Variants in ADAMTS20 observed in about 807,000 individuals in gnomAD.
ADAMTS20 encodes the protein A disintegrin and metalloproteinase with thrombospondin motifs 20.
In ADAMTS20, 225 loss-of-function variants were observed where a neutral mutation model predicts 260.1. The observed-to-expected ratio is 0.87, with a 90% confidence interval of 0.78 to 0.97. The LOEUF (loss-of-function observed/expected upper bound fraction) is 0.97, where lower values mean the gene tolerates loss of function less well. Among genes scored for constraint, ADAMTS20 ranks in the 50% least tolerant of loss-of-function variants. ADAMTS20 has a pLI of 0.00. For synonymous variants in ADAMTS20, 802 were observed against 769.5 expected, an observed-to-expected ratio of 1.04 and a Z score of -0.70; for missense variants, 2,400 against 2,337.7, an observed-to-expected ratio of 1.03 and a Z score of -0.55.
intron 28 of ADAMTS20, among the ~76,000 whole-genome samples, chr12:43,420,640 C>G (rs1190204147): frequency 6.6e-6 from 1 of 151,892 alleles, no homozygotes; most frequent in South Asian, 2.1e-4. Context: ...GAGTGCATTT[C>G]TCTTAAATGG....
chr12:43,525,051 A>G (rs1943122975), intron 3 of ADAMTS20, among the ~76,000 whole-genome samples: 1 of 151,408 alleles, frequency 6.6e-6, no homozygotes, highest in East Asian at 1.9e-4. Flanking sequence ...ACTTATTGCA[A>G]AAAGGTCATC....
In ADAMTS20 at chr12:43,440,036, T is replaced by C; in HGVS notation, c.2324A>G (p.Asn775Ser). 6.4e-7 allele frequency: 1 copy of C among 1,562,728 alleles called. No homozygotes were observed. The highest frequency in any genetic ancestry group is 8.7e-7 in the Non-Finnish European group (1 of 1,152,358). Residue 775 changes from asparagine (N) to serine (S), a missense_variant, in exon 17 of 39, where the codon AAT (asparagine) becomes AGT (serine). Physicochemically the swap from Asn to Ser is conservative, Grantham distance 46 (BLOSUM62 1). Transcript: ENST00000389420. The part of the protein sequence containing the change: ...LSDAEGNFLF[N>S]GNFLLSTSKK... ...TGACGTACTTAGAAGAAAATTTCCA[T>C]TGAAAAGAAAATTCCCTTCAGCGTC... is the stretch of plus-strand genomic sequence containing the variant.
At chr12:43,489,914 T>G (rs1229119068) in intron 7 of ADAMTS20, among the ~76,000 whole-genome samples, 1 of 151,984 alleles carries the variant, frequency 6.6e-6, no homozygotes, top group Non-Finnish European at 1.5e-5. Flanking sequence ...CATATATATG[T>G]AATAAAAGCA....
intron 36 of ADAMTS20, among the ~76,000 whole-genome samples, chr12:43,371,719 C>A (rs1182732355): frequency 6.6e-6 from 1 of 152,054 alleles, no homozygotes; most frequent in Non-Finnish European, 1.5e-5. Context: ...AGCAAACAGG[C>A]CACTGTGTCT....
At position 43,552,190 on chromosome 12, in the gene ADAMTS20, C is replaced by G. The variant is rs907029955; in HGVS notation, c.-269G>C. 6.6e-6 allele frequency among the ~76,000 whole-genome samples: 1 copy of G among 152,212 alleles called. No homozygotes were observed. The highest frequency in any genetic ancestry group is 6.5e-5 in the Admixed American group (1 of 15,290). The stretch of plus-strand genomic sequence containing the variant: ...AGAAACTCTCTGCTCAGGTTCAGCT[C>G]GGCGCGGGGAAGCAACTCGACCTAG... On this transcript the variant is annotated 5_prime_UTR_variant, in exon 1 of 39. Transcript: ENST00000389420.
intron 28 of ADAMTS20, among the ~76,000 whole-genome samples, chr12:43,412,604 T>C (rs1040586469): frequency 1.3e-5 from 2 of 152,110 alleles, no homozygotes; most frequent in African/African-American, 4.8e-5. Flanking sequence ...CGAGAAATGC[T>C]GACAAGGAGA....
intron 22 of ADAMTS20, 101 bp downstream of exon 22, chr12:43,431,229 CCA>C (rs1782605632): frequency 8.0e-7 from 1 of 1,255,102 alleles, no homozygotes; most frequent in Non-Finnish European, 1.1e-6. Flanking sequence ...ATAAACCAAG[CCA>C]AATTCCATTG....
intron 7 of ADAMTS20, among the ~76,000 whole-genome samples, chr12:43,470,155 T>C (rs879703769): frequency 6.6e-6 from 1 of 152,230 alleles, no homozygotes; most frequent in Non-Finnish European, 1.5e-5. Context: ...AGTTGTTTAG[T>C]GGATCATCAT....
At chr12:43,361,461 C>T (rs938349095) in intron 37 of ADAMTS20, among the ~76,000 whole-genome samples, 1 of 152,222 alleles carries the variant, frequency 6.6e-6, no homozygotes, top group Non-Finnish European at 1.5e-5. Context: ...TGGAGCTTTG[C>T]GTTTCAGAAA....
chr12:43,374,577 A>G (rs1443243565), intron 36 of ADAMTS20, among the ~76,000 whole-genome samples: 2 of 152,294 alleles, frequency 1.3e-5, no homozygotes, highest in African/African-American at 4.8e-5. Context: ...TAATGCCAGT[A>G]CTAACTGTAT....
At chr12:43,440,815 C>G (rs1314633960) in intron 16 of ADAMTS20, among the ~76,000 whole-genome samples, 1 of 152,090 alleles carries the variant, frequency 6.6e-6, no homozygotes, top group Non-Finnish European at 1.5e-5. Flanking sequence ...CTTTAAAACT[C>G]TAGGGTCGGG....
At chr12:43,384,815 C>T (rs1940436150) in intron 29 of ADAMTS20, among the ~76,000 whole-genome samples, 1 of 152,146 alleles carries the variant, frequency 6.6e-6, no homozygotes, top group Non-Finnish European at 1.5e-5. Flanking sequence ...CATAGTATTC[C>T]ATGTTATATA....
chr12:43,537,569 A>G (rs544279052), intron 2 of ADAMTS20, among the ~76,000 whole-genome samples: 5 of 152,228 alleles, frequency 3.3e-5, no homozygotes, highest in African/African-American at 1.2e-4. Flanking sequence ...CAATTAAATT[A>G]TTATTGACTA....
intron 36 of ADAMTS20, 108 bp downstream of exon 36, chr12:43,375,271 A>G (rs1940198175): frequency 1.7e-6 from 2 of 1,204,576 alleles, no homozygotes; most frequent in Non-Finnish European, 2.2e-6. Context: ...TTTTTGCACA[A>G]TGTCAGGTCC....
At chr12:43,360,457 A>C (rs769126607) in intron 37 of ADAMTS20, among the ~76,000 whole-genome samples, 2 of 152,184 alleles carry the variant, frequency 1.3e-5, no homozygotes. Flanking sequence ...TCAAAAAAAT[A>C]AATAAAAATA....
chr12:43,443,792 A>G lies in ADAMTS20; in HGVS notation c.2289T>C (p.Leu763=). The change falls in exon 16 of 39, where the codon CTT becomes CTC. Residue 763 remains leucine, a splice_region_variant and synonymous_variant. Coordinates refer to ENST00000389420, the MANE Select transcript of ADAMTS20 (RefSeq NM_025003.5). ...SYSGQPDDSY[L]ALSDAEGNFL... ...CTGTTGTTTACGAGAAATGTTTACC[A>G]AGGTAACTGTCATCTGGTTGTCCAG... 1 of 1,611,500 alleles carries G rather than the reference A, an allele frequency of 6.2e-7. No homozygotes were observed. Among genetic ancestry groups the G allele is most frequent in the Non-Finnish European group, 8.5e-7 (1 of 1,177,966 alleles).
intron 28 of ADAMTS20, among the ~76,000 whole-genome samples, chr12:43,401,421 G>A (rs1201294242): frequency 6.6e-6 from 1 of 151,850 alleles, no homozygotes; most frequent in Non-Finnish European, 1.5e-5. Context: ...TAACATAAGA[G>A]GAGACAGGTT....
intron 2 of ADAMTS20, among the ~76,000 whole-genome samples, chr12:43,549,913 G>A (rs1286114553): frequency 6.6e-6 from 1 of 152,188 alleles, no homozygotes; most frequent in African/African-American, 2.4e-5. Flanking sequence ...AGAATAAACA[G>A]TGTTGATGTT....
chr12:43,373,954 C>T (rs1202183383), intron 36 of ADAMTS20, among the ~76,000 whole-genome samples: 1 of 151,998 alleles, frequency 6.6e-6, no homozygotes, highest in Non-Finnish European at 1.5e-5. Context: ...GCTGGGATTA[C>T]AGGCGTGAGT....
Sources: gnomAD v4.1 joint callset for allele counts (sites outside exome capture counted in the v4.1 genomes callset) on GRCh38, gnomAD v4.1.1 for gene constraint, MANE v1.5 for transcripts, NCBI Gene and HGNC (gene_info 2026-07-23, HGNC 2026-07-21) for gene names.